Variants in ZNF704 observed in about 807,000 individuals in gnomAD.
ZNF704 encodes glucocorticoid induced gene 1.
ZNF704 carries 10 observed loss-of-function variants against 44.7 expected under a neutral mutation model. That is an observed-to-expected ratio of 0.22 (90% CI 0.14 to 0.38). The LOEUF is 0.38. Among genes scored for constraint, ZNF704 ranks in the 10% least tolerant of loss-of-function variants. The probability of loss-of-function intolerance (pLI) is 1.00; values close to 1 mark genes in which losing one functional copy is unlikely to be tolerated. For missense variants in ZNF704, 390 were observed against 545.5 expected (o/e 0.71, Z 2.84); for synonymous variants, 211 against 207.6 (o/e 1.02, Z -0.14).
intron 3 of ZNF704, among the ~76,000 whole-genome samples, chr8:80,692,781 T>C (rs184375895): frequency 1.3e-5 from 2 of 151,770 alleles, no homozygotes; most frequent in East Asian, 3.9e-4. Flanking sequence ...TAAAAGTGAG[T>C]TGAATGGAGG....
At chr8:80,834,482 T>TTAATGC (rs1417920339) in intron 1 of ZNF704, among the ~76,000 whole-genome samples, 4 of 151,890 alleles carry the variant, frequency 2.6e-5, no homozygotes, top group Non-Finnish European at 5.9e-5. Flanking sequence ...ATCAGTGTTG[T>TTAATGC]TAATGCTGGG....
At chr8:80,782,257 A>G (rs1275710677) in intron 2 of ZNF704, among the ~76,000 whole-genome samples, 1 of 152,224 alleles carries the variant, frequency 6.6e-6, no homozygotes, top group African/African-American at 2.4e-5. Flanking sequence ...AACAAGCTGG[A>G]GCTCTGGGCT....
At chr8:80,818,009 C>T (rs1808204543) in intron 2 of ZNF704, among the ~76,000 whole-genome samples, 3 of 152,080 alleles carry the variant, frequency 2.0e-5, no homozygotes, top group Admixed American at 6.6e-5. Context: ...TCAAGAAAAA[C>T]CTGTTGAATG....
intron 2 of ZNF704, among the ~76,000 whole-genome samples, chr8:80,795,509 G>T (rs999276794): frequency 1.1e-4 from 17 of 152,002 alleles, no homozygotes; most frequent in African/African-American, 4.1e-4. Context: ...AGGACTGACT[G>T]GAACATTGAA....
chr8:80,819,489 T>C (rs181499814), intron 2 of ZNF704, among the ~76,000 whole-genome samples: 4 of 151,714 alleles, frequency 2.6e-5, no homozygotes, highest in Admixed American at 6.6e-5. Context: ...ATAAGTCCTA[T>C]AGAATTGCAA....
chr8:80,883,093 A>T, the ZNF704 span, among the ~76,000 whole-genome samples: 3 of 150,402 alleles, frequency 2.0e-5, no homozygotes, highest in African/African-American at 7.3e-5. Flanking sequence ...AAAAAAAAAA[A>T]AAAAATTAGC....
chr8:80,778,257 G>A (rs1233324731), intron 2 of ZNF704, among the ~76,000 whole-genome samples: 7 of 152,066 alleles, frequency 4.6e-5, no homozygotes, highest in Non-Finnish European at 1.0e-4. Context: ...TTAAAAAAAA[G>A]CTCAGTGTCA....
chr8:80,695,748 A>G (rs1818714953), intron 2 of ZNF704, among the ~76,000 whole-genome samples: 1 of 152,236 alleles, frequency 6.6e-6, no homozygotes, highest in Non-Finnish European at 1.5e-5. Context: ...TGCATTGCGA[A>G]AATCTACCAC....
intron 7 of ZNF704, among the ~76,000 whole-genome samples, 154 bp from the exon 8 acceptor site, chr8:80,643,283 G>C (rs1817774278): frequency 6.6e-6 from 1 of 152,056 alleles, no homozygotes; most frequent in African/African-American, 2.4e-5. Context: ...ACTTTGGGAG[G>C]CCAAGGAGGG....
intron 1 of ZNF704, among the ~76,000 whole-genome samples, chr8:80,859,728 T>C (rs537275785): frequency 2.0e-5 from 3 of 152,208 alleles, no homozygotes; most frequent in African/African-American, 4.8e-5. Context: ...CAGGTCTGTA[T>C]GACAAGCAGA....
At chr8:80,672,474 T>G (rs1466418394) in intron 4 of ZNF704, among the ~76,000 whole-genome samples, 1 of 152,204 alleles carries the variant, frequency 6.6e-6, no homozygotes, top group African/African-American at 2.4e-5. Context: ...ACTTGTATGT[T>G]CATCGCAGCA....
intron 2 of ZNF704, among the ~76,000 whole-genome samples, chr8:80,755,423 C>A (rs944307601): frequency 8.5e-5 from 13 of 152,148 alleles, no homozygotes; most frequent in African/African-American, 2.9e-4. Context: ...CCACTGCACT[C>A]CAGCCTGGGT....
chr8:80,687,917 A>AT (rs1297135000), intron 3 of ZNF704, among the ~76,000 whole-genome samples: 1 of 152,064 alleles, frequency 6.6e-6, no homozygotes, highest in Non-Finnish European at 1.5e-5. Flanking sequence ...TTAAAAAGGG[A>AT]TTTCTTAGCT....
At chr8:80,760,834 G>A (rs115921203) in intron 2 of ZNF704, among the ~76,000 whole-genome samples, 2,921 of 152,110 alleles carry the variant, frequency 0.019, 100 homozygotes, top group African/African-American at 0.067. Flanking sequence ...GGCAGAAGGT[G>A]AAGTGGAAGC....
At chr8:80,651,363 C>T (rs1817916064) in intron 7 of ZNF704, among the ~76,000 whole-genome samples, 9 of 152,172 alleles carry the variant, frequency 5.9e-5, no homozygotes, top group Admixed American at 5.9e-4. Flanking sequence ...TTAAAAGACA[C>T]AGACTGGCAA....
chr8:80,698,398 C>T (rs1818758015), intron 2 of ZNF704, among the ~76,000 whole-genome samples: 1 of 152,128 alleles, frequency 6.6e-6, no homozygotes, highest in African/African-American at 2.4e-5. Flanking sequence ...CAGGGCAAGG[C>T]TTCCTTTAAA....
intron 2 of ZNF704, among the ~76,000 whole-genome samples, chr8:80,777,155 A>G (rs1301582279): frequency 1.3e-5 from 2 of 152,130 alleles, no homozygotes; most frequent in Non-Finnish European, 2.9e-5. Context: ...TATGATTTCC[A>G]TTAATATTCC....
At chr8:80,752,698 C>T (rs565815230) in intron 2 of ZNF704, among the ~76,000 whole-genome samples, 23 of 152,278 alleles carry the variant, frequency 1.5e-4, no homozygotes, top group South Asian at 8.3e-4. Flanking sequence ...TGTGCCACCA[C>T]GCCTGGCTAA....
intron 2 of ZNF704, among the ~76,000 whole-genome samples, chr8:80,732,594 C>T (rs1438483484): frequency 1.3e-5 from 2 of 152,210 alleles, no homozygotes. Flanking sequence ...TGGCTTTAGT[C>T]TCACTTAAGT....
Sources: gnomAD v4.1 joint callset for allele counts (sites outside exome capture counted in the v4.1 genomes callset) on GRCh38, gnomAD v4.1.1 for gene constraint, MANE v1.5 for transcripts, NCBI Gene and HGNC (gene_info 2026-07-23, HGNC 2026-07-21) for gene names.